The following HMCN1 variants were observed in gnomAD, a reference collection of about 807,000 sequenced individuals.
The protein encoded by HMCN1 is hemicentin 1.
HMCN1 carries 321 observed loss-of-function variants against 625.9 expected under a neutral mutation model. The observed-to-expected ratio is 0.51, with a 90% CI of 0.47 to 0.56. HMCN1 has a LOEUF of 0.56. Among genes scored for constraint, HMCN1 ranks in the 20% least tolerant of loss-of-function variants. The pLI is 0.00. For synonymous variants in HMCN1, 2,425 were observed against 2,417.6 expected, an observed-to-expected ratio of 1.00 and a Z score of -0.09; for missense variants, 6,588 against 6,887.3, an observed-to-expected ratio of 0.96 and a Z score of 1.54.
intron 15 of HMCN1, among the ~76,000 whole-genome samples, chr1:185,976,517 C>A (rs1196717206): frequency 6.6e-6 from 1 of 152,106 alleles, no homozygotes; most frequent in Non-Finnish European, 1.5e-5. Context: ...TATGAGCCTG[C>A]TAACTAGTGT....
chr1:185,963,864 A>G lies in HMCN1; in HGVS notation c.2067A>G (p.Thr689=). Residue 689 remains threonine, a synonymous_variant, in exon 13 of 107, where the codon ACA becomes ACG. Coordinates refer to ENST00000271588, the MANE Select transcript of HMCN1 (RefSeq NM_031935.3). The stretch of plus-strand genomic sequence containing the variant: ...GCCTAGCAAGTAATTCAGCTGGAAC[A>G]GATAAACAGAATTCTACTCTCAGAT... ...YGCLASNSAG[T]DKQNSTLRYI... is the part of the protein sequence containing the mutation. The G allele has an allele frequency of 6.2e-7, 1 of 1,612,396 alleles. No homozygotes were observed. The highest frequency in any genetic ancestry group is 1.1e-5 in the South Asian group (1 of 91,066).
chr1:185,877,305 T>C (rs1229347453), intron 4 of HMCN1, among the ~76,000 whole-genome samples: 3 of 150,368 alleles, frequency 2.0e-5, no homozygotes, highest in Non-Finnish European at 4.4e-5. Flanking sequence ...TCTATTTCAT[T>C]GATCTATGTG....
chr1:186,154,168 A>G (rs1189435057), intron 97 of HMCN1, among the ~76,000 whole-genome samples, 181 bp downstream of exon 97: 3 of 152,148 alleles, frequency 2.0e-5, no homozygotes, highest in African/African-American at 7.2e-5. Flanking sequence ...GTTCTAGTAC[A>G]TTTACTTTAC....
At chr1:185,941,271 T>C (rs902965712) in intron 11 of HMCN1, among the ~76,000 whole-genome samples, 4 of 152,242 alleles carry the variant, frequency 2.6e-5, no homozygotes, top group African/African-American at 9.6e-5. Context: ...GGATTACTTA[T>C]AACTATTCCA....
At chr1:186,175,495 A>T (rs1652504374) in intron 103 of HMCN1, among the ~76,000 whole-genome samples, 1 of 152,232 alleles carries the variant, frequency 6.6e-6, no homozygotes, top group East Asian at 1.9e-4. Context: ...TACCATTACT[A>T]GAAACTCTTT....
At chr1:185,942,898 A>T (rs1474788689) in intron 11 of HMCN1, among the ~76,000 whole-genome samples, 1 of 152,018 alleles carries the variant, frequency 6.6e-6, no homozygotes, top group Non-Finnish European at 1.5e-5. Context: ...GGCTGACAGA[A>T]CTCAAGAGGC....
chr1:186,074,825 C>T lies in HMCN1; in HGVS notation c.8224C>T (p.Arg2742Ter), dbSNP rs1030679583. Residue 2742 changes from arginine to a stop codon, truncating the protein, a stop_gained, in exon 53 of 107, where the codon CGA (arginine) becomes TGA (stop). Coordinates refer to ENST00000271588, the MANE Select transcript of HMCN1 (RefSeq NM_031935.3). LOFTEE classifies it high-confidence loss of function. ...GGAGGCTCAAATATCAGACACCGGA[C>T]GATATACTTGTGTAGCATCTAACAT... Reference protein sequence around the residue: ...IKEAQISDTGRYTCVASNIAG... With the variant: ...IKEAQISDTG The T allele has an allele frequency of 2.1e-5, 34 of 1,612,030 alleles. No individual in the cohort carries two copies. Among genetic ancestry groups the T allele is most frequent in the African/African-American group, 4.0e-5 (3 of 74,792 alleles).
Position 186,178,574 on chromosome 1 carries a change from A to T in HMCN1, c.16102A>T (p.Ser5368Cys), listed in dbSNP as rs1273725928. The T allele has an allele frequency of 6.2e-7, 1 of 1,614,168 alleles. No individual in the cohort carries two copies. The highest frequency in any genetic ancestry group is 8.5e-7 in the Non-Finnish European group (1 of 1,180,016). Residue 5368 changes from serine (S) to cysteine (C), a missense_variant, in exon 104 of 107, where the codon AGT (serine) becomes TGT (cysteine). Ser to Cys is a moderately radical substitution (Grantham distance 112, BLOSUM62 -1). Transcript: ENST00000271588. Reference sequence around the variant, plus strand: ...GCTGCCAAATTATGGCACTCAATACAGTAGCTATAACCTTGCACGGTTCTC... The same window carrying T: ...GCTGCCAAATTATGGCACTCAATACTGTAGCTATAACCTTGCACGGTTCTC... Reference protein sequence around the residue: ...ERLPNYGTQYSSYNLARFSPV... With the variant: ...ERLPNYGTQYCSYNLARFSPV...
Position 186,136,683 on chromosome 1 carries a change from C to T in HMCN1, c.13328C>T (p.Thr4443Ile). Residue 4443 changes from threonine to isoleucine, a missense_variant, in exon 87 of 107, where the codon ACT (threonine) becomes ATT (isoleucine). This residue lies in a region of HMCN1 where 1,954 missense variants were observed against 2,013.1 expected (regional missense o/e 0.97). Transcript: ENST00000271588. ...TTTTCCGTAGGTCCTCCTATTATCACTCTTGAGCCAGTGGAAACTGTTATT... is the reference window on the plus strand; with the variant it reads ...TTTTCCGTAGGTCCTCCTATTATCATTCTTGAGCCAGTGGAAACTGTTATT... ...SLTLQSPPIITLEPVETVINA... is the reference protein window; with the variant it reads ...SLTLQSPPIIILEPVETVINA... 1 of 1,613,866 alleles carries T rather than the reference C, an allele frequency of 6.2e-7. No homozygotes were observed. The highest frequency in any genetic ancestry group is 2.2e-5 in the East Asian group (1 of 44,870).
intron 68 of HMCN1, among the ~76,000 whole-genome samples, chr1:186,100,164 T>C (rs1239439165): frequency 6.6e-6 from 1 of 152,076 alleles, no homozygotes; most frequent in Non-Finnish European, 1.5e-5. Context: ...ATATTCTTAG[T>C]GGAATTCTTA....
chr1:186,184,778 A>G lies in HMCN1; in HGVS notation c.16414+2491A>G, dbSNP rs545443332. ...ATGTTCTGAAGCTGTTAATATAAAA[A>G]TTTTCAGCTCATTTTGGGATTCTTT... On this transcript the variant is annotated intron_variant, in intron 105 of 106. Coordinates refer to ENST00000271588, the MANE Select transcript of HMCN1 (RefSeq NM_031935.3). Among the ~76,000 whole-genome samples the G allele has an allele frequency of 4.6e-5, 7 of 152,274 alleles. No homozygotes were observed. The South Asian group carries it at 1.2e-3, about 27-fold the overall frequency.
intron 103 of HMCN1, chr1:186,176,944 GGATCACGA>G (rs1652625854): frequency 6.6e-6 from 1 of 152,226 alleles, no homozygotes; most frequent in Non-Finnish European, 1.5e-5. Context: ...CGAGGCGGGT[GGATCACGA>G]GGTCAGGAGA....
chr1:185,739,358 C>G (rs1653818186), intron 1 of HMCN1, among the ~76,000 whole-genome samples: 2 of 152,022 alleles, frequency 1.3e-5, no homozygotes, highest in African/African-American at 4.8e-5. Flanking sequence ...TTTTACTGTG[C>G]TTTTTACATA....
intron 2 of HMCN1, among the ~76,000 whole-genome samples, chr1:185,858,992 C>T (rs1219192375): frequency 3.3e-5 from 5 of 150,296 alleles, no homozygotes; most frequent in Non-Finnish European, 7.4e-5. Context: ...TTGAGAGAAA[C>T]ACTATAAAGA....
intron 1 of HMCN1, among the ~76,000 whole-genome samples, chr1:185,809,033 T>G (rs1364143656): frequency 6.6e-6 from 1 of 152,166 alleles, no homozygotes; most frequent in East Asian, 1.9e-4. Flanking sequence ...TTACCTTTGG[T>G]CAAATTATAT....
At chr1:185,829,625 A>G (rs573731127) in intron 1 of HMCN1, among the ~76,000 whole-genome samples, 2 of 152,260 alleles carry the variant, frequency 1.3e-5, no homozygotes, top group East Asian at 3.9e-4. Context: ...TCCATGGTGT[A>G]TATGTGCCAC....
chr1:186,154,075 C>G (rs1177916114), intron 97 of HMCN1, 88 bp downstream of exon 97: 1 of 1,030,184 alleles, frequency 9.7e-7, no homozygotes, highest in African/African-American at 1.6e-5. Flanking sequence ...AGGCCTACAT[C>G]TAACATGATA....
intron 57 of HMCN1, among the ~76,000 whole-genome samples, chr1:186,083,552 A>G (rs1009051004): frequency 1.3e-5 from 2 of 148,832 alleles, no homozygotes; most frequent in African/African-American, 4.9e-5. Flanking sequence ...GAGTAGTTTT[A>G]TTTTGTGAGA....
intron 29 of HMCN1, among the ~76,000 whole-genome samples, chr1:186,005,129 T>G (rs10798025): frequency 6.7e-6 from 1 of 149,666 alleles, no homozygotes. Flanking sequence ...TTATAAACAA[T>G]TTTTTAATTG....
Sources: allele counts gnomAD v4.1 joint callset (sites outside exome capture counted in the v4.1 genomes callset), GRCh38; gene constraint gnomAD v4.1.1; regional missense constraint gnomAD v4.1.1; transcripts MANE v1.5; gene names NCBI Gene and HGNC (gene_info 2026-07-23, HGNC 2026-07-21).